DLG1: variants seen among roughly 807,000 people sequenced by gnomAD.
DLG1 encodes the protein discs large MAGUK scaffold protein 1, also known as disks large homolog 1.
A neutral mutation model predicts 123.4 loss-of-function variants in DLG1; 42 were observed. The ratio of observed to expected loss-of-function variants is 0.34; its 90% CI spans 0.27 to 0.44. The LOEUF (loss-of-function observed/expected upper bound fraction) is 0.44, where lower values mean the gene tolerates loss of function less well. Ranked by LOEUF, DLG1 falls within the 20% of genes least tolerant of loss-of-function variation. The pLI is 1.00. For synonymous variants in DLG1, 317 were observed against 356.2 expected (o/e 0.89, Z 1.24); for missense variants, 942 against 1,082.6 (o/e 0.87, Z 1.82).
chr3:197,210,246 A>T (rs1439500894), intron 4 of DLG1, among the ~76,000 whole-genome samples: 2 of 88,862 alleles, frequency 2.3e-5, no homozygotes, highest in Non-Finnish European at 2.4e-5. Flanking sequence ...GAGAAGCTAT[A>T]AAAAAAAAAA....
Position 197,288,743 on chromosome 3 carries a change from A to AAAATACATACATAC in DLG1, c.152-5899_152-5898insGTATGTATGTATTT, listed in dbSNP as rs1553827364. On this transcript the variant is annotated intron_variant, in intron 3 of 24. Coordinates refer to ENST00000667157, the MANE Select transcript of DLG1 (RefSeq NM_001366207.1). Reference sequence around the variant, plus strand: ...TCAAAAAAAAAAAAAAAAAAAAAAAAATACATACATACATACATACATACA... The same window carrying AAAATACATACATAC: ...TCAAAAAAAAAAAAAAAAAAAAAAAAAAATACATACATACATACATACATACATACATACATACA... 2.0e-3 allele frequency among the ~76,000 whole-genome samples: 141 copies of AAAATACATACATAC among 72,082 alleles called. 1 individual carries two copies. The highest frequency in any genetic ancestry group is 3.2e-3 in the Non-Finnish European group (133 of 41,404). The allele number at this position is 72,082 out of a possible 152,430, so 47.3% of individuals were successfully genotyped here. A position where few individuals can be genotyped will look rare whatever the true frequency, so the allele number is the denominator to read the frequency against.
chr3:197,211,003 G>A (rs1731005292), intron 4 of DLG1, among the ~76,000 whole-genome samples: 1 of 145,898 alleles, frequency 6.9e-6, no homozygotes, highest in South Asian at 2.6e-4. Flanking sequence ...AACAAGGCAA[G>A]GTTAGTTTAA....
chr3:197,169,748 T>C (rs1342348153), intron 5 of DLG1, among the ~76,000 whole-genome samples: 1 of 152,168 alleles, frequency 6.6e-6, no homozygotes, highest in East Asian at 1.9e-4. Context: ...GATTCACTAC[T>C]GTATCTTTTT....
chr3:197,126,646 A>C (rs1779287085), intron 11 of DLG1, among the ~76,000 whole-genome samples: 1 of 152,242 alleles, frequency 6.6e-6, no homozygotes, highest in African/African-American at 2.4e-5. Context: ...TTTATGTGCT[A>C]GAGGAAGTAT....
Position 197,221,760 on chromosome 3 carries a change from G to C in DLG1, c.319-27171C>G, listed in dbSNP as rs144617313. The stretch of plus-strand genomic sequence containing the variant: ...TAGGTCAGACACTGTAGATTGCTTT[G>C]CCCAACACTACAATCTGTTTTCCCT... On this transcript the variant is annotated intron_variant, in intron 4 of 24. Transcript: ENST00000667157. Among the ~76,000 whole-genome samples, 1,440 of 152,208 alleles carry C rather than the reference G, an allele frequency of 9.5e-3. 22 individuals carry two copies. Among genetic ancestry groups the C allele is most frequent in the African/African-American group, 0.033 (1,359 of 41,520 alleles).
At chr3:197,086,204 A>G (rs1354600551) in intron 15 of DLG1, among the ~76,000 whole-genome samples, 1 of 152,218 alleles carries the variant, frequency 6.6e-6, no homozygotes, top group Non-Finnish European at 1.5e-5. Context: ...TATTCTGTCC[A>G]TTAATTATTC....
rs553194059 is a variant in DLG1 at position 197,188,088 on chromosome 3, C to T, written c.483+6337G>A. On this transcript the variant is annotated intron_variant, in intron 5 of 24. Transcript: ENST00000667157. The stretch of plus-strand genomic sequence containing the variant: ...TAATAGATTAATTCACGGCATGTTT[C>T]ATGGTGGCAAACCTTTCATAAGAAC... Among the ~76,000 whole-genome samples the T allele has an allele frequency of 1.2e-4, 19 of 152,306 alleles. No individual in the cohort carries two copies. The East Asian group carries it at 1.3e-3, about 11-fold the overall frequency.
At chr3:197,127,495 T>TATAA (rs1553936756) in intron 11 of DLG1, among the ~76,000 whole-genome samples, 5 of 49,430 alleles carry the variant, frequency 1.0e-4, no homozygotes, top group Admixed American at 2.2e-4. Flanking sequence ...TATATATATA[T>TATAA]AAAGTAAGAA....
At chr3:197,227,825 T>C (rs79678298) in intron 4 of DLG1, among the ~76,000 whole-genome samples, 5,405 of 152,306 alleles carry the variant, frequency 0.035, 123 homozygotes, top group Non-Finnish European at 0.055. Flanking sequence ...AATAGCTGGT[T>C]CTCCAATCTA....
Position 197,065,399 on chromosome 3 carries a change from A to G in DLG1, c.2250T>C (p.His750=), listed in dbSNP as rs377729735. ...CCATCTGCTCTCTTGAAGTCACAAA[A>G]TGATAATCTCTTCCATCTACCTCAT... is the stretch of plus-strand genomic sequence containing the variant. ...RDYEVDGRDY[H]FVTSREQMEK... Residue 750 remains histidine, a synonymous_variant, in exon 22 of 25, where the codon CAT becomes CAC. Coordinates refer to ENST00000667157, the MANE Select transcript of DLG1 (RefSeq NM_001366207.1). The G allele has an allele frequency of 1.1e-5, 17 of 1,613,228 alleles. No individual in the cohort carries two copies. The African/African-American group carries it at 2.0e-4, about 19-fold the overall frequency.
intron 14 of DLG1, among the ~76,000 whole-genome samples, chr3:197,093,365 G>A (rs1758821930): frequency 6.6e-6 from 1 of 152,190 alleles, no homozygotes; most frequent in South Asian, 2.1e-4. Flanking sequence ...CACCATGTTG[G>A]CCAGGATGGT....
At chr3:197,272,694 A>G (rs1764423273) in intron 4 of DLG1, among the ~76,000 whole-genome samples, 1 of 152,240 alleles carries the variant, frequency 6.6e-6, no homozygotes, top group African/African-American at 2.4e-5. Context: ...CTTTACCTAC[A>G]TAGATGAAAT....
intron 3 of DLG1, among the ~76,000 whole-genome samples, chr3:197,295,468 G>C (rs1776953995): frequency 6.8e-6 from 1 of 146,960 alleles, no homozygotes; most frequent in African/African-American, 2.4e-5. Context: ...ATGTTATATA[G>C]TTGATAACTA....
intron 4 of DLG1, among the ~76,000 whole-genome samples, chr3:197,267,389 G>A (rs1762130165): frequency 6.6e-6 from 1 of 152,170 alleles, no homozygotes; most frequent in African/African-American, 2.4e-5. Flanking sequence ...TTCATACAAT[G>A]TCTATAATCT....
chr3:197,107,477 G>A (rs1396613259), intron 13 of DLG1, among the ~76,000 whole-genome samples: 1 of 151,954 alleles, frequency 6.6e-6, no homozygotes, highest in Non-Finnish European at 1.5e-5. Flanking sequence ...GCTGGGAGGC[G>A]GAGCTTGCAG....
chr3:197,064,121 T>C (rs1375266453), intron 22 of DLG1, among the ~76,000 whole-genome samples: 3 of 151,888 alleles, frequency 2.0e-5, no homozygotes, highest in African/African-American at 7.3e-5. Context: ...GGTTTTGCCA[T>C]GTTGGCCAGG....
At chr3:197,216,348 A>G (rs982058758) in intron 4 of DLG1, among the ~76,000 whole-genome samples, 2 of 152,154 alleles carry the variant, frequency 1.3e-5, no homozygotes, top group Non-Finnish European at 2.9e-5. Flanking sequence ...CCCAGATTCA[A>G]TGATTTGCTG....
chr3:197,180,446 G>A (rs192988667), intron 5 of DLG1, among the ~76,000 whole-genome samples: 225 of 152,240 alleles, frequency 1.5e-3, no homozygotes, highest in Non-Finnish European at 2.3e-3. Flanking sequence ...GCTTCGCAAT[G>A]CATAGAGAAC....
intron 4 of DLG1, among the ~76,000 whole-genome samples, chr3:197,252,978 A>G (rs1206784099): frequency 6.6e-6 from 1 of 152,190 alleles, no homozygotes; most frequent in African/African-American, 2.4e-5. Context: ...TATGAACTTA[A>G]TCTGAAAAAA....
Sources: allele counts gnomAD v4.1 joint callset (sites outside exome capture counted in the v4.1 genomes callset), GRCh38; gene constraint gnomAD v4.1.1; transcripts MANE v1.5; gene names NCBI Gene and HGNC (gene_info 2026-07-23, HGNC 2026-07-21).